The following UGT1A4 variants were observed in gnomAD, a reference collection of about 807,000 sequenced individuals.
UGT1A4 encodes UDP-glucuronosyltransferase 1A4.
In UGT1A4, 32 loss-of-function variants were observed where a neutral mutation model predicts 41.1. The observed-to-expected ratio is 0.78, with a 90% CI of 0.59 to 1.05. The LOEUF (loss-of-function observed/expected upper bound fraction) is 1.05. Ranked by LOEUF, UGT1A4 falls within the 50% of genes least tolerant of loss-of-function variation. The probability of loss-of-function intolerance (pLI) is 0.00; values close to 1 mark genes in which losing one functional copy is unlikely to be tolerated. For missense variants in UGT1A4, 748 were observed against 677.4 expected (o/e 1.10, Z -1.16); for synonymous variants, 283 against 265.1 (o/e 1.07, Z -0.66).
intron 1 of UGT1A4, among the ~76,000 whole-genome samples, chr2:233,766,551 C>T (rs564580695): frequency 6.6e-6 from 1 of 152,328 alleles, no homozygotes; most frequent in East Asian, 1.9e-4. Flanking sequence ...TGCCTGTCCT[C>T]ACCTAGGTCC....
At chr2:233,765,849 A>G (rs548142757) in intron 1 of UGT1A4, among the ~76,000 whole-genome samples, 8 of 152,220 alleles carry the variant, frequency 5.3e-5, no homozygotes, top group African/African-American at 1.7e-4. Flanking sequence ...TGTCCCCCTC[A>G]CAGAGCATGT....
chr2:233,758,249 A>C (rs1008368022), intron 1 of UGT1A4, among the ~76,000 whole-genome samples: 1 of 152,236 alleles, frequency 6.6e-6, no homozygotes, highest in African/African-American at 2.4e-5. Context: ...CCCACTATTC[A>C]GATTAGTAAG....
chr2:233,767,743 A>G (rs543873419), intron 2 of UGT1A4, 106 bp from the exon 3 acceptor site: 2 of 1,585,594 alleles, frequency 1.3e-6, no homozygotes, highest in South Asian at 2.3e-5. Flanking sequence ...CACTCTGTTA[A>G]AGACTGTTCC....
chr2:233,747,346 G>A (rs1006096980), intron 1 of UGT1A4: 37 of 1,603,044 alleles, frequency 2.3e-5, no homozygotes, highest in African/African-American at 1.5e-4. Context: ...GCTCGCATGC[G>A]GGAGGCCGTG....
In UGT1A4 at chr2:233,752,740, G is replaced by C. The variant is rs146813256; in HGVS notation, c.868-14294G>C. Among the ~76,000 whole-genome samples, 785 of 152,256 alleles carry C rather than the reference G, an allele frequency of 5.2e-3. 4 individuals are homozygous for C. Among genetic ancestry groups the C allele is most frequent in the Non-Finnish European group, 8.2e-3 (561 of 68,032 alleles). On this transcript the variant is annotated intron_variant, in intron 1 of 4. Coordinates refer to ENST00000373409, the MANE Select transcript of UGT1A4 (RefSeq NM_007120.3). ...GGCAACAGCTACAGAGAGAGACCCTGTCTCTAAAACAAACAAACAAACAAA... is the reference window on the plus strand; with the variant it reads ...GGCAACAGCTACAGAGAGAGACCCTCTCTCTAAAACAAACAAACAAACAAA...
intron 1 of UGT1A4, among the ~76,000 whole-genome samples, chr2:233,724,139 G>A (rs2077174817): frequency 8.1e-6 from 1 of 123,450 alleles, no homozygotes; most frequent in South Asian, 2.8e-4. Context: ...TCCCGGACGG[G>A]GCGGCTGGCC....
At chr2:233,757,197 C>T (rs941417782) in intron 1 of UGT1A4, among the ~76,000 whole-genome samples, 2 of 149,716 alleles carry the variant, frequency 1.3e-5, no homozygotes, top group Non-Finnish European at 3.0e-5. Flanking sequence ...TCTGAATTTT[C>T]TGTGCCCAGG....
intron 1 of UGT1A4, among the ~76,000 whole-genome samples, chr2:233,739,549 T>C (rs1346005869): frequency 6.6e-6 from 1 of 152,244 alleles, no homozygotes; most frequent in Non-Finnish European, 1.5e-5. Context: ...AGCTTTAAGA[T>C]TTAATGACTG....
chr2:233,735,517 G>A (rs2078663232), intron 1 of UGT1A4, among the ~76,000 whole-genome samples: 1 of 152,112 alleles, frequency 6.6e-6, no homozygotes, highest in Non-Finnish European at 1.5e-5. Context: ...TACATTTAAG[G>A]TAAATATTGT....
At chr2:233,729,111 C>T (rs773243405) in intron 1 of UGT1A4, 49 of 1,612,868 alleles carry the variant, frequency 3.0e-5, no homozygotes, top group Non-Finnish European at 4.0e-5. Flanking sequence ...GTCAGCTGTC[C>T]GTGTCTTCTG....
intron 1 of UGT1A4, chr2:233,754,408 C>G (rs1318751129): frequency 8.8e-6 from 3 of 340,794 alleles, no homozygotes; most frequent in African/African-American, 6.4e-5. Flanking sequence ...GCAGTCCCAA[C>G]AATAAAGACA....
rs999962124 is a variant in UGT1A4 at position 233,747,799 on chromosome 2, A to G, written c.868-19235A>G. The G allele has an allele frequency of 2.5e-6, 4 of 1,613,352 alleles. No homozygotes were observed. The African/African-American group carries it at 4.0e-5, about 16-fold the overall frequency. ...CCAAATCCTTCCTCCTATATTCCTA[A>G]GTTACTAACGACCAATTCAGACCAC... On this transcript the variant is annotated intron_variant, in intron 1 of 4. Coordinates refer to ENST00000373409, the MANE Select transcript of UGT1A4 (RefSeq NM_007120.3).
At chr2:233,741,745 T>C (rs1691762813) in intron 1 of UGT1A4, 2 of 151,906 alleles carry the variant, frequency 1.3e-5, no homozygotes, top group African/African-American at 4.9e-5. Context: ...TCACACTCTT[T>C]GTTGGTTAAT....
rs150592409 is a variant in UGT1A4, at chr2:233,726,667, G to A, written c.867+6980G>A. On this transcript the variant is annotated intron_variant, in intron 1 of 4. Coordinates refer to ENST00000373409, the MANE Select transcript of UGT1A4 (RefSeq NM_007120.3). ...TAAAACTCTTAATTTAATCATATCT[G>A]TGAAGTCTCTTCCACCTGTAACGGA... Among the ~76,000 whole-genome samples, 7 of 152,246 alleles carry A rather than the reference G, an allele frequency of 4.6e-5. No individual in the cohort carries two copies. The East Asian group carries it at 1.3e-3, about 29-fold the overall frequency.
intron 1 of UGT1A4, chr2:233,741,568 C>G (rs1459540084): frequency 2.0e-5 from 3 of 151,868 alleles, no homozygotes; most frequent in African/African-American, 7.3e-5. Context: ...GTATGAGAAT[C>G]AACTACCCAG....
In UGT1A4 at chr2:233,747,491, G is replaced by C. The variant is rs1270962387; in HGVS notation, c.868-19543G>C. 1.3e-5 allele frequency: 21 copies of C among 1,608,968 alleles called. No individual in the cohort carries two copies. The East Asian group carries it at 2.7e-4, about 20-fold the overall frequency. On this transcript the variant is annotated intron_variant, in intron 1 of 4. Transcript: ENST00000373409. The stretch of plus-strand genomic sequence containing the variant: ...CCCAGGATGAATTTGATCGCCTTGT[G>C]CTGGGCCACACTCAACTGTACTTTG...
Position 233,748,426 on chromosome 2 carries a change from G to A in UGT1A4, c.868-18608G>A, listed in dbSNP as rs1479085626. Among the ~76,000 whole-genome samples the A allele has an allele frequency of 3.3e-5, 5 of 151,758 alleles. 1 individual carries two copies. The highest frequency in any genetic ancestry group is 7.3e-5 in the African/African-American group (3 of 41,072). ...CACTACATTGAGACTTGACCCATCTGGATTTTTTGTTTGCACAATTTTCAG... is the reference window on the plus strand; with the variant it reads ...CACTACATTGAGACTTGACCCATCTAGATTTTTTGTTTGCACAATTTTCAG... On this transcript the variant is annotated intron_variant, in intron 1 of 4. Transcript: ENST00000373409.
intron 4 of UGT1A4, among the ~76,000 whole-genome samples, chr2:233,772,017 G>T (rs1484729268): frequency 7.9e-5 from 12 of 152,188 alleles, no homozygotes; most frequent in African/African-American, 9.7e-5. Context: ...GGAGGCTGAG[G>T]CAGGAGGATG....
intron 1 of UGT1A4, among the ~76,000 whole-genome samples, chr2:233,739,654 C>A (rs1048629610): frequency 2.0e-5 from 3 of 152,310 alleles, no homozygotes; most frequent in East Asian, 1.9e-4. Context: ...AATTTCTGTA[C>A]CCCCATTGTG....
Sources: gnomAD v4.1 joint callset for allele counts (sites outside exome capture counted in the v4.1 genomes callset) on GRCh38, gnomAD v4.1.1 for gene constraint, MANE v1.5 for transcripts, NCBI Gene and HGNC (gene_info 2026-07-23, HGNC 2026-07-21) for gene names.